AGK: variants seen among roughly 807,000 people sequenced by gnomAD.
The protein encoded by AGK is acylglycerol kinase.
In AGK, 52 loss-of-function variants were observed where a neutral mutation model predicts 66.4. The ratio of observed to expected loss-of-function variants is 0.78; its 90% CI spans 0.63 to 0.99. The LOEUF (loss-of-function observed/expected upper bound fraction) is 0.99, where lower values mean the gene tolerates loss of function less well. Among genes scored for constraint, AGK ranks in the 50% least tolerant of loss-of-function variants. AGK has a pLI of 0.00. For synonymous variants in AGK, 182 were observed against 181.1 expected (o/e 1.00, Z -0.04); for missense variants, 451 against 506.6 (o/e 0.89, Z 1.05).
chr7:141,560,788 ATTCTTTC>A (rs1795325993), intron 2 of AGK, among the ~76,000 whole-genome samples: 2 of 141,174 alleles, frequency 1.4e-5, no homozygotes, highest in Admixed American at 1.5e-4. Context: ...TGCAAGTGCC[ATTCTTTC>A]TTTTTTTTTT....
At position 141,653,043 on chromosome 7, in the gene AGK, A is replaced by AGAGGGGTACTTGCCATG; in HGVS notation, c.*119_*120insGAGGGGTACTTGCCATG. 1.6e-6 allele frequency: 2 copies of AGAGGGGTACTTGCCATG among 1,260,238 alleles called. No homozygotes were observed. The highest frequency in any genetic ancestry group is 2.2e-6 in the Non-Finnish European group (2 of 903,374). 78.1% of individuals were successfully genotyped at this position (1,260,238 alleles called of 1,614,324 possible). ...AGGGTCCCCAGGGCATTTTCATGGC[A>AGAGGGGTACTTGCCATG]AGTACCCCTCTGCCCCCACTCCAGC... On this transcript the variant is annotated 3_prime_UTR_variant, in exon 16 of 16. Coordinates refer to ENST00000649286, the MANE Select transcript of AGK (RefSeq NM_018238.4).
chr7:141,557,196 A>T (rs150735193), intron 2 of AGK, among the ~76,000 whole-genome samples: 184 of 152,342 alleles, frequency 1.2e-3, no homozygotes, highest in African/African-American at 4.2e-3. Context: ...TAACTTTATG[A>T]TATAACATGA....
chr7:141,633,791 G>A lies in AGK; in HGVS notation c.589-110G>A, dbSNP rs919876952. On this transcript the variant is annotated intron_variant, in intron 9 of 15. Transcript: ENST00000649286. ...CTTTAATGTTTGAGCAGACTTTTTA[G>A]AATTTTGGTTTGATGAAAAGTAGGC... The A allele has an allele frequency of 1.6e-5, 14 of 899,888 alleles. No individual in the cohort carries two copies. In the African/African-American group the frequency reaches 2.3e-4, roughly 15 times the overall value. 55.7% of individuals were successfully genotyped at this position (899,888 alleles called of 1,614,324 possible). A position where few individuals can be genotyped will look rare whatever the true frequency, so the allele number is the denominator to read the frequency against.
intron 2 of AGK, among the ~76,000 whole-genome samples, chr7:141,589,609 G>GGAGT (rs1796064288): frequency 6.6e-6 from 1 of 151,376 alleles, no homozygotes; most frequent in African/African-American, 2.4e-5. Context: ...TGCCCAGGCT[G>GGAGT]GAGTGCCATG....
chr7:141,610,904 T>A (rs957527238), intron 5 of AGK, among the ~76,000 whole-genome samples: 7 of 152,224 alleles, frequency 4.6e-5, no homozygotes, highest in African/African-American at 1.7e-4. Context: ...TGACTGGAAA[T>A]GATGCCCTTG....
At chr7:141,562,020 C>T in intron 2 of AGK, 1 of 456,084 alleles carries the variant, frequency 2.2e-6, no homozygotes. Flanking sequence ...AATCCATATT[C>T]AGGTCTCTCA....
At chr7:141,635,755 G>A (rs1797156507) in intron 10 of AGK, among the ~76,000 whole-genome samples, 2 of 152,246 alleles carry the variant, frequency 1.3e-5, no homozygotes, top group African/African-American at 4.8e-5. Flanking sequence ...GGCTGCTCCA[G>A]TGATTTTAGG....
chr7:141,604,187 T>G (rs927346705), intron 5 of AGK, among the ~76,000 whole-genome samples: 1 of 151,786 alleles, frequency 6.6e-6, no homozygotes, highest in South Asian at 2.1e-4. Flanking sequence ...CAGGGTTTGT[T>G]TTCTTTCTTT....
Position 141,619,142 on chromosome 7 carries a change from A to G in AGK, c.519-2590A>G, listed in dbSNP as rs114836209. ...CTCTCCACAACTGATCTATAAATTC[A>G]ATACAATCCCAATCAATGTTTCACA... On this transcript the variant is annotated intron_variant, in intron 8 of 15. Transcript: ENST00000649286. Among the ~76,000 whole-genome samples the G allele has an allele frequency of 3.3e-3, 506 of 152,278 alleles. 2 individuals are homozygous for G. The highest frequency in any genetic ancestry group is 0.012 in the African/African-American group (487 of 41,574).
In AGK at chr7:141,555,246, G is replaced by A. The variant is rs1795183286; in HGVS notation, c.-14-207G>A. ...AAGGAAGAAAGAAAGGTGGATGGAT[G>A]TGTGGGTGGATGAGAAGATGAAGAT... On this transcript the variant is annotated intron_variant, in intron 1 of 15. Transcript: ENST00000649286. The surrounding 1 kb of genome is among the most constrained non-coding windows in gnomAD (Gnocchi z 4.2). Among the ~76,000 whole-genome samples, 1 of 152,150 alleles carries A rather than the reference G, an allele frequency of 6.6e-6. No individual in the cohort carries two copies. The highest frequency in any genetic ancestry group is 1.5e-5 in the Non-Finnish European group (1 of 68,028).
chr7:141,588,209 G>T (rs980142186), intron 2 of AGK, among the ~76,000 whole-genome samples: 63 of 152,168 alleles, frequency 4.1e-4, no homozygotes, highest in Admixed American at 3.9e-3. Context: ...AGAAGAAAAA[G>T]CATCTGCTTT....
chr7:141,612,081 C>T (rs1796600983), intron 6 of AGK, among the ~76,000 whole-genome samples: 1 of 152,162 alleles, frequency 6.6e-6, no homozygotes, highest in Non-Finnish European at 1.5e-5. Context: ...CCAAGATGTC[C>T]TTTAGTAGGT....
At position 141,653,093 on chromosome 7, in the gene AGK, C is replaced by A; in HGVS notation, c.*169C>A. The A allele has an allele frequency of 1.4e-6, 1 of 714,438 alleles. No individual in the cohort carries two copies. The highest frequency in any genetic ancestry group is 2.7e-5 in the East Asian group (1 of 36,448). The allele number at this position is 714,438 out of a possible 1,614,324, so 44.3% of individuals were successfully genotyped here. A position where few individuals can be genotyped will look rare whatever the true frequency, so the allele number is the denominator to read the frequency against. On this transcript the variant is annotated 3_prime_UTR_variant, in exon 16 of 16. Transcript: ENST00000649286. Reference sequence around the variant, plus strand: ...CAGTGCTTCCCAAAGTGTGCTCTGTCACCTGCTTTGCAATCGGCTTCCATT... The same window carrying A: ...CAGTGCTTCCCAAAGTGTGCTCTGTAACCTGCTTTGCAATCGGCTTCCATT...
chr7:141,625,247 T>C (rs185610424), intron 9 of AGK, among the ~76,000 whole-genome samples: 1 of 152,364 alleles, frequency 6.6e-6, no homozygotes, highest in East Asian at 1.9e-4. Flanking sequence ...CTCACTTTAC[T>C]GCAGTGGTCA....
chr7:141,649,649 T>C (rs1181584899), intron 14 of AGK, among the ~76,000 whole-genome samples: 1 of 152,230 alleles, frequency 6.6e-6, no homozygotes, highest in Admixed American at 6.5e-5. Context: ...ATTTTGATTC[T>C]GCCACTTACC....
chr7:141,650,522 T>C (rs764694989), intron 14 of AGK: 5 of 985,332 alleles, frequency 5.1e-6, no homozygotes, highest in Non-Finnish European at 6.0e-6. Flanking sequence ...GAAGAGAACA[T>C]AGTGAAGCTG....
intron 5 of AGK, 32 bp from the exon 6 acceptor site, chr7:141,611,163 T>A (rs1796579023): frequency 6.7e-7 from 1 of 1,494,174 alleles, no homozygotes; most frequent in African/African-American, 1.4e-5. Context: ...TCTAGGTTGA[T>A]AAACTCACCA....
At chr7:141,603,801 T>C (rs567042366) in intron 5 of AGK, among the ~76,000 whole-genome samples, 7 of 152,350 alleles carry the variant, frequency 4.6e-5, no homozygotes, top group East Asian at 1.9e-4. Flanking sequence ...GTCTCCACTA[T>C]GTATCTTGAC....
intron 2 of AGK, among the ~76,000 whole-genome samples, chr7:141,584,333 G>A (rs982753510): frequency 7.2e-5 from 11 of 152,088 alleles, no homozygotes; most frequent in African/African-American, 1.9e-4. Flanking sequence ...GGCAGGGACC[G>A]GCCATTTTCA....
Sources: allele counts gnomAD v4.1 joint callset (sites outside exome capture counted in the v4.1 genomes callset), GRCh38; gene constraint gnomAD v4.1.1; non-coding constraint Gnocchi (gnomAD v3.1); transcripts MANE v1.5; gene names NCBI Gene and HGNC (gene_info 2026-07-23, HGNC 2026-07-21).